The following LRRIQ1 variants were observed in gnomAD, a reference collection of about 807,000 sequenced individuals.
LRRIQ1 encodes leucine-rich repeat- and IQ domain-containing protein 1.
LRRIQ1 carries 210 observed loss-of-function variants against 211.9 expected under a neutral mutation model. The observed-to-expected ratio is 0.99, with a 90% confidence interval of 0.89 to 1.11. The LOEUF is 1.11. Among genes scored for constraint, LRRIQ1 ranks in the 50% most tolerant of loss-of-function variants. The probability of loss-of-function intolerance (pLI) is 0.00; values close to 1 mark genes in which losing one functional copy is unlikely to be tolerated. For missense variants in LRRIQ1, 2,136 were observed against 1,939.5 expected (o/e 1.10, Z -1.90); for synonymous variants, 699 against 650.1 (o/e 1.08, Z -1.14).
At position 85,198,086 on chromosome 12, in the gene LRRIQ1, T is replaced by TAATA. The variant is rs1258080204; in HGVS notation, c.4823-31431_4823-31430insAATA. On this transcript the variant is annotated intron_variant, in intron 24 of 26. Transcript: ENST00000393217. ...TAACATATTATTTATATATAATTTATTATATTATATATTATATTATTTATA... is the reference window on the plus strand; with the variant it reads ...TAACATATTATTTATATATAATTTATAATATATATTATATATTATATTATTTATA... Among the ~76,000 whole-genome samples the TAATA allele has an allele frequency of 2.7e-3, 285 of 107,378 alleles. 2 individuals are homozygous for TAATA. Among genetic ancestry groups the TAATA allele is most frequent in the African/African-American group, 0.012 (273 of 23,662 alleles). 70.4% of individuals were successfully genotyped at this position (107,378 alleles called of 152,430 possible). A position where few individuals can be genotyped will look rare whatever the true frequency, so the allele number is the denominator to read the frequency against.
chr12:85,106,018 A>G (rs1479664305), intron 14 of LRRIQ1, among the ~76,000 whole-genome samples: 1 of 149,044 alleles, frequency 6.7e-6, no homozygotes, highest in Non-Finnish European at 1.5e-5. Flanking sequence ...CTGGTCTCAA[A>G]CTCCTGACCT....
intron 24 of LRRIQ1, among the ~76,000 whole-genome samples, chr12:85,182,178 A>C (rs1389166306): frequency 1.3e-5 from 2 of 152,102 alleles, no homozygotes; most frequent in Non-Finnish European, 2.9e-5. Flanking sequence ...ATTTCTTCAA[A>C]GAAGGAAAAC....
intron 20 of LRRIQ1, among the ~76,000 whole-genome samples, chr12:85,152,662 G>A (rs753597836): frequency 6.6e-6 from 1 of 151,556 alleles, no homozygotes; most frequent in Non-Finnish European, 1.5e-5. Context: ...CTAGTTGACA[G>A]CACTTTAAAA....
rs1219904915 is a variant in LRRIQ1, at chr12:85,056,264, C to A, written c.1471C>A (p.Arg491=). Residue 491 remains arginine (R), a synonymous_variant, in exon 8 of 27, where the codon CGA becomes AGA. Transcript: ENST00000393217. ...EEKNENLAKK[R]CSEELVKQER... ...AAAAAATGAAAACCTAGCAAAAAAA[C>A]GATGTTCAGAAGAATTGGTCAAGCA... 1.9e-6 allele frequency: 3 copies of A among 1,569,458 alleles called. No individual in the cohort carries two copies. The highest frequency in any genetic ancestry group is 2.8e-5 in the African/African-American group (2 of 71,942).
intron 26 of LRRIQ1, among the ~76,000 whole-genome samples, chr12:85,234,841 C>T (rs1330172736): frequency 1.3e-5 from 2 of 152,042 alleles, no homozygotes; most frequent in Non-Finnish European, 2.9e-5. Flanking sequence ...GCAAGCAAAC[C>T]AATTATAAAC....
At chr12:85,249,872 T>G (rs748818150), downstream of LRRIQ1, among the ~76,000 whole-genome samples, 3 of 151,940 alleles carry the variant, frequency 2.0e-5, no homozygotes, top group Admixed American at 2.0e-4. Context: ...TTAATCGACA[T>G]GAAGATGGAA....
intron 18 of LRRIQ1, 138 bp downstream of exon 18, chr12:85,128,171 G>GGCTGCAGGTTA (rs1205222734): frequency 2.6e-6 from 2 of 756,438 alleles, no homozygotes; most frequent in African/African-American, 1.8e-5. Flanking sequence ...GTGACATGTT[G>GGCTGCAGGTTA]GCTGCAGGTT....
chr12:85,134,482 A>G (rs1304188805), intron 18 of LRRIQ1, among the ~76,000 whole-genome samples: 1 of 152,072 alleles, frequency 6.6e-6, no homozygotes, highest in Middle Eastern at 3.2e-3. Flanking sequence ...AGTCACTGCT[A>G]TGTCATGTGT....
chr12:85,161,867 T>C (rs976084957), intron 24 of LRRIQ1, among the ~76,000 whole-genome samples: 2 of 151,906 alleles, frequency 1.3e-5, no homozygotes, highest in East Asian at 3.9e-4. Context: ...GGTGAAACCC[T>C]GTCTCTACTA....
intron 18 of LRRIQ1, among the ~76,000 whole-genome samples, chr12:85,137,620 A>G (rs894490781): frequency 1.3e-5 from 2 of 151,592 alleles, no homozygotes; most frequent in African/African-American, 4.8e-5. Context: ...AGTTTTAAAG[A>G]TTCTTTTTTG....
intron 2 of LRRIQ1, among the ~76,000 whole-genome samples, chr12:85,039,403 T>A (rs1426659983): frequency 1.3e-5 from 2 of 151,604 alleles, no homozygotes; most frequent in Non-Finnish European, 3.0e-5. Flanking sequence ...AGAATTCTAT[T>A]TCTTAGTTAA....
chr12:85,092,148 A>G (rs1885459419), intron 11 of LRRIQ1, among the ~76,000 whole-genome samples: 1 of 152,212 alleles, frequency 6.6e-6, no homozygotes, highest in Non-Finnish European at 1.5e-5. Flanking sequence ...TTTTGACTGC[A>G]CAGAGATCAT....
At chr12:85,158,238 TA>T (rs947696223) in intron 23 of LRRIQ1, among the ~76,000 whole-genome samples, 62 of 143,644 alleles carry the variant, frequency 4.3e-4, no homozygotes, top group South Asian at 1.1e-3. Context: ...GTCAATTGAC[TA>T]AAAAAAAAAA....
rs768732797 is a variant in LRRIQ1 at position 85,038,274 on chromosome 12, C to A, written c.98C>A (p.Ala33Glu). 6 of 1,582,710 alleles carry A rather than the reference C, an allele frequency of 3.8e-6. No individual in the cohort carries two copies. The highest frequency in any genetic ancestry group is 5.2e-6 in the Non-Finnish European group (6 of 1,162,866). The change falls in exon 2 of 27, where the codon GCA (alanine) becomes GAA (glutamate). Residue 33 changes from alanine (A) to glutamate (E), a missense_variant. Transcript: ENST00000393217. ...SLEKEDIESDAKSETQSDDSD... is the reference protein window; with the variant it reads ...SLEKEDIESDEKSETQSDDSD... The stretch of plus-strand genomic sequence containing the variant: ...GAAAAAGAAGACATTGAGAGTGATG[C>A]AAAATCAGAAACCCAGAGTGATGAT...
chr12:85,069,594 C>T (rs982367398), intron 10 of LRRIQ1, among the ~76,000 whole-genome samples: 1 of 151,698 alleles, frequency 6.6e-6, no homozygotes, highest in African/African-American at 2.4e-5. Flanking sequence ...ACATCCTCTC[C>T]AGCACTTGTT....
intron 17 of LRRIQ1, among the ~76,000 whole-genome samples, chr12:85,126,842 G>A (rs907594788): frequency 6.6e-6 from 1 of 151,434 alleles, no homozygotes; most frequent in Admixed American, 6.6e-5. Context: ...GAAAAAAAAT[G>A]TGTGGTCATA....
intron 24 of LRRIQ1, among the ~76,000 whole-genome samples, chr12:85,194,817 C>G (rs967004742): frequency 6.6e-6 from 1 of 151,132 alleles, no homozygotes; most frequent in Admixed American, 6.6e-5. Flanking sequence ...AAAAATAACT[C>G]AAATCAGAGC....
rs751231408 is a variant in LRRIQ1, at chr12:85,056,421, A to G, written c.1628A>G (p.His543Arg). 3.8e-6 allele frequency: 6 copies of G among 1,589,530 alleles called. No individual in the cohort carries two copies. The highest frequency in any genetic ancestry group is 5.1e-6 in the Non-Finnish European group (6 of 1,173,634). ...DAQKEEKIMKHVINENTGQKT... is the reference protein window; with the variant it reads ...DAQKEEKIMKRVINENTGQKT... Reference sequence around the variant, plus strand: ...CAAAAAGAAGAAAAAATCATGAAACATGTCATAAATGAGAATACAGGACAA... The same window carrying G: ...CAAAAAGAAGAAAAAATCATGAAACGTGTCATAAATGAGAATACAGGACAA... The change falls in exon 8 of 27, where the codon CAT becomes CGT. Residue 543 changes from histidine (H) to arginine (R), a missense_variant. By Grantham distance (29) the His-to-Arg change is conservative. Coordinates refer to ENST00000393217, the MANE Select transcript of LRRIQ1 (RefSeq NM_001079910.2).
intron 15 of LRRIQ1, among the ~76,000 whole-genome samples, chr12:85,120,571 G>A (rs1887897982): frequency 1.3e-5 from 2 of 152,212 alleles, no homozygotes; most frequent in South Asian, 4.1e-4. Flanking sequence ...AAAATACCTT[G>A]CTATAATTTT....
Sources: gnomAD v4.1 joint callset for allele counts (sites outside exome capture counted in the v4.1 genomes callset) on GRCh38, gnomAD v4.1.1 for gene constraint, MANE v1.5 for transcripts, NCBI Gene and HGNC (gene_info 2026-07-23, HGNC 2026-07-21) for gene names.